The following MAPKAPK3 variants were observed in gnomAD, a reference collection of about 807,000 sequenced individuals.
MAPKAPK3 encodes MAPK activated protein kinase 3.
Under a neutral mutation model 49.2 loss-of-function variants are expected in MAPKAPK3, and 35 were observed. The ratio of observed to expected loss-of-function variants is 0.71; its 90% CI spans 0.54 to 0.94. MAPKAPK3 has a LOEUF of 0.94. MAPKAPK3 is among the 40% of genes least tolerant of loss of function. The pLI is 0.00. For missense variants in MAPKAPK3, 398 were observed against 493.1 expected (o/e 0.81, Z 1.83); for synonymous variants, 178 against 188.7 (o/e 0.94, Z 0.46).
At position 50,635,945 on chromosome 3, in the gene MAPKAPK3, A is replaced by C. The variant is rs1175356412; in HGVS notation, c.220-4421A>C. Among the ~76,000 whole-genome samples, 22 of 147,656 alleles carry C rather than the reference A, an allele frequency of 1.5e-4. 1 individual carries two copies. The highest frequency in any genetic ancestry group is 1.3e-3 in the Admixed American group (19 of 14,490). The stretch of plus-strand genomic sequence containing the variant: ...CAAAAAAAAAAAAAAAAAAAAAAAA[A>C]ACCAAAAAAAAAAAAAATTAGCCAG... On this transcript the variant is annotated intron_variant, in intron 2 of 10. Transcript: ENST00000621469.
chr3:50,647,643 A>C (rs997527165), intron 10 of MAPKAPK3, among the ~76,000 whole-genome samples: 1 of 152,256 alleles, frequency 6.6e-6, no homozygotes, highest in Non-Finnish European at 1.5e-5. Context: ...TCACTATCCC[A>C]CTTACCCTTG....
chr3:50,638,729 G>T (rs1262957141), intron 2 of MAPKAPK3, among the ~76,000 whole-genome samples: 1 of 152,226 alleles, frequency 6.6e-6, no homozygotes, highest in Non-Finnish European at 1.5e-5. Flanking sequence ...CCCTGACCCA[G>T]TTTGTCTTTA....
intron 4 of MAPKAPK3, 94 bp downstream of exon 4, chr3:50,641,865 C>T: frequency 9.5e-7 from 1 of 1,049,146 alleles, no homozygotes; most frequent in Non-Finnish European, 1.5e-6. Flanking sequence ...CTGTTCCTCT[C>T]AGTCTTCCCA....
upstream of MAPKAPK3, chr3:50,611,534 C>G: frequency 4.0e-6 from 6 of 1,515,146 alleles, no homozygotes; most frequent in Non-Finnish European, 5.3e-6. Context: ...ACCTCTGGCC[C>G]GTCAAGCCCT....
At chr3:50,618,569 C>T (rs2032530433) in intron 2 of MAPKAPK3, among the ~76,000 whole-genome samples, 1 of 152,174 alleles carries the variant, frequency 6.6e-6, no homozygotes, top group Non-Finnish European at 1.5e-5. Flanking sequence ...CCCAGAATCC[C>T]TTGAATCTGT....
In MAPKAPK3 at chr3:50,632,074, G is replaced by T. The variant is rs2107586309; in HGVS notation, c.220-8292G>T. ...CTGGCCCACATGCCAGGCGATAGCT[G>T]AGGCATATGTGCTGGCCTCAGTCTT... On this transcript the variant is annotated intron_variant, in intron 2 of 10. Transcript: ENST00000621469. 2.0e-5 allele frequency among the ~76,000 whole-genome samples: 3 copies of T among 152,372 alleles called. 1 individual carries two copies. The Middle Eastern group carries it at 0.01, about 518-fold the overall frequency.
At chr3:50,636,511 G>A (rs2033044283) in intron 2 of MAPKAPK3, among the ~76,000 whole-genome samples, 1 of 152,226 alleles carries the variant, frequency 6.6e-6, no homozygotes, top group South Asian at 2.1e-4. Context: ...AGAGCTTTCT[G>A]GGGAGCTAGG....
At position 50,644,152 on chromosome 3, in the gene MAPKAPK3, C is replaced by T. The variant is rs191154351; in HGVS notation, c.505-257C>T. 4.6e-5 allele frequency among the ~76,000 whole-genome samples: 7 copies of T among 152,312 alleles called. No individual in the cohort carries two copies. In the East Asian group the frequency reaches 9.6e-4, roughly 21 times the overall value. The stretch of plus-strand genomic sequence containing the variant: ...AACTCAGGATCAGAAGTTCCTGCTC[C>T]GAGGCTTTCTATGGCACTTGGTCAT... On this transcript the variant is annotated intron_variant, in intron 5 of 10. Coordinates refer to ENST00000621469, the MANE Select transcript of MAPKAPK3 (RefSeq NM_001243925.2).
chr3:50,643,897 G>A (rs1046746097), intron 5 of MAPKAPK3, among the ~76,000 whole-genome samples: 3 of 152,052 alleles, frequency 2.0e-5, no homozygotes, highest in Non-Finnish European at 2.9e-5. Context: ...TCATCTGCCA[G>A]GCCCCTGGCT....
chr3:50,638,553 G>T (rs2033096380), intron 2 of MAPKAPK3, among the ~76,000 whole-genome samples: 1 of 152,206 alleles, frequency 6.6e-6, no homozygotes. Context: ...TGGAGCAGGG[G>T]CACAGAGCTG....
chr3:50,611,673 C>G (rs1328642301), upstream of MAPKAPK3: 4 of 1,481,488 alleles, frequency 2.7e-6, no homozygotes, highest in Admixed American at 7.7e-5. Context: ...GCGGCGACTC[C>G]GGAGTGGGGA....
At chr3:50,617,965 C>T (rs1056582783) in intron 2 of MAPKAPK3, among the ~76,000 whole-genome samples, 181 bp downstream of exon 2, 5 of 152,186 alleles carry the variant, frequency 3.3e-5, no homozygotes, top group African/African-American at 1.2e-4. Context: ...GAAACTGAGG[C>T]GTAGCCTAGC....
At chr3:50,635,412 T>G (rs2033011877) in intron 2 of MAPKAPK3, among the ~76,000 whole-genome samples, 1 of 130,444 alleles carries the variant, frequency 7.7e-6, no homozygotes, top group East Asian at 2.2e-4. Flanking sequence ...TAATCTTTTT[T>G]TTTTTTTTTT....
chr3:50,634,117 G>C (rs1309978696), intron 2 of MAPKAPK3, among the ~76,000 whole-genome samples: 1 of 152,206 alleles, frequency 6.6e-6, no homozygotes, highest in Non-Finnish European at 1.5e-5. Context: ...GAGGGGAGAA[G>C]GGAAAGTGAA....
In MAPKAPK3 at chr3:50,647,191, G is replaced by T; in HGVS notation, c.984G>T (p.Trp328Cys). 1 of 1,591,898 alleles carries T rather than the reference G, an allele frequency of 6.3e-7. No homozygotes were observed. The highest frequency in any genetic ancestry group is 2.3e-5 in the East Asian group (1 of 43,942). ...ARVLQEDKDHWDEVKEEMTSA... is the reference protein window; with the variant it reads ...ARVLQEDKDHCDEVKEEMTSA... ...TGCTGCAGGAGGACAAAGACCACTG[G>T]GACGAAGTCAAGGTGGGTGGGCTCT... The change falls in exon 10 of 11, where the codon TGG (tryptophan) becomes TGT (cysteine). Residue 328 changes from tryptophan to cysteine, a missense_variant. Coordinates refer to ENST00000621469, the MANE Select transcript of MAPKAPK3 (RefSeq NM_001243925.2).
chr3:50,623,102 C>A (rs946589508), intron 2 of MAPKAPK3, among the ~76,000 whole-genome samples: 2 of 152,188 alleles, frequency 1.3e-5, no homozygotes, highest in Non-Finnish European at 2.9e-5. Flanking sequence ...CCTACCATCT[C>A]CAGACCGGTC....
Position 50,617,631 on chromosome 3 carries a change from C to A in MAPKAPK3, c.66C>A (p.Pro22=). Residue 22 remains proline (P), a synonymous_variant, in exon 2 of 11, where the codon CCC becomes CCA. Transcript: ENST00000621469. ...PVPPPVAPGG[P]GLGGAPGGRR... ...CCCCGCCAGTTGCACCCGGCGGACC[C>A]GGCTTGGGCGGTGCTCCGGGGGGGC... 6.2e-7 allele frequency: 1 copy of A among 1,608,210 alleles called. No individual in the cohort carries two copies. The highest frequency in any genetic ancestry group is 8.5e-7 in the Non-Finnish European group (1 of 1,175,962).
chr3:50,630,489 C>T (rs896247145), intron 2 of MAPKAPK3, among the ~76,000 whole-genome samples: 6 of 152,272 alleles, frequency 3.9e-5, no homozygotes, highest in African/African-American at 1.4e-4. Context: ...TCAGTTTCCT[C>T]ATCTGAAAAT....
chr3:50,646,717 C>G, intron 8 of MAPKAPK3, 23 bp from the exon 9 acceptor site: 4 of 1,604,414 alleles, frequency 2.5e-6, no homozygotes, highest in Non-Finnish European at 2.6e-6. Flanking sequence ...TCATCTCTCC[C>G]CTCTCTTCCC....
Sources: allele counts gnomAD v4.1 joint callset (sites outside exome capture counted in the v4.1 genomes callset), GRCh38; gene constraint gnomAD v4.1.1; transcripts MANE v1.5; gene names NCBI Gene and HGNC (gene_info 2026-07-23, HGNC 2026-07-21).